The following SAFB variants were observed in gnomAD, a reference collection of about 807,000 sequenced individuals.
SAFB encodes the protein scaffold attachment factor B.
SAFB carries 15 observed loss-of-function variants against 101.6 expected under a neutral mutation model. That is an observed-to-expected ratio of 0.15 (90% CI 0.10 to 0.23). The LOEUF (loss-of-function observed/expected upper bound fraction) is 0.23. Ranked by LOEUF, SAFB falls within the 10% of genes least tolerant of loss-of-function variation. The pLI is 1.00. For missense variants in SAFB, 930 were observed against 1,104.1 expected, an observed-to-expected ratio of 0.84 and a Z score of 2.23; for synonymous variants, 449 against 407.5, an observed-to-expected ratio of 1.10 and a Z score of -1.23.
Position 5,664,085 on chromosome 19 carries a change from C to T in SAFB, c.2217C>T (p.Asp739=), listed in dbSNP as rs1385313836. 1 of 1,614,070 alleles carries T rather than the reference C, an allele frequency of 6.2e-7. No homozygotes were observed. Residue 739 remains aspartate (D), a synonymous_variant, in exon 16 of 21, where the codon GAC becomes GAT. Coordinates refer to ENST00000588852, the MANE Select transcript of SAFB (RefSeq NM_001201338.2). ...CCCTGGATGAGCGCTACCATTCTGA[C>T]TTTAACCGCCAGGACCGCTTCCACG... is the stretch of plus-strand genomic sequence containing the variant. ...RAALDERYHS[D]FNRQDRFHDF...
intron 2 of SAFB, among the ~76,000 whole-genome samples, chr19:5,636,108 A>G (rs1342752377): frequency 6.6e-6 from 1 of 151,954 alleles, no homozygotes; most frequent in Non-Finnish European, 1.5e-5. Flanking sequence ...TTCCCCTGAG[A>G]AGGATTTGGC....
chr19:5,637,104 GGAGGCC>G (rs199546283), intron 2 of SAFB, among the ~76,000 whole-genome samples: 3,700 of 151,088 alleles, frequency 0.024, 97 homozygotes, highest in Non-Finnish European at 0.037. Flanking sequence ...TAGCACTTCG[GGAGGCC>G]GAGGCGGGTG....
intron 2 of SAFB, among the ~76,000 whole-genome samples, chr19:5,640,664 A>G (rs1161900039): frequency 6.6e-6 from 1 of 152,236 alleles, no homozygotes; most frequent in East Asian, 1.9e-4. Context: ...ATCTCAGCTC[A>G]CTGCAACCTA....
chr19:5,624,015 T>C (rs1599301946), intron 1 of SAFB: 1 of 152,128 alleles, frequency 6.6e-6, no homozygotes, highest in Non-Finnish European at 1.5e-5. Flanking sequence ...GAAGGAAAAG[T>C]GGTGTTGACG....
intron 1 of SAFB, 145 bp from the exon 2 acceptor site, chr19:5,626,260 A>T: frequency 1.8e-6 from 1 of 565,010 alleles, no homozygotes; most frequent in South Asian, 2.3e-5. Flanking sequence ...ATAACAGATG[A>T]GTGGATGGGC....
In SAFB at chr19:5,667,547, C is replaced by A; in HGVS notation, c.2557+97C>A. Reference sequence around the variant, plus strand: ...TCCTTGGGGGAGCACAGGAGGTGCTCTGCTCTCAGTGCTGGAATGAGGAAT... The same window carrying A: ...TCCTTGGGGGAGCACAGGAGGTGCTATGCTCTCAGTGCTGGAATGAGGAAT... On this transcript the variant is annotated intron_variant, in intron 19 of 20. Coordinates refer to ENST00000588852, the MANE Select transcript of SAFB (RefSeq NM_001201338.2). This position sits in a 1 kb window ranked among gnomAD's most constrained non-coding sequence, Gnocchi z 4.0. 2 of 871,458 alleles carry A rather than the reference C, an allele frequency of 2.3e-6. No homozygotes were observed. The highest frequency in any genetic ancestry group is 3.6e-6 in the Non-Finnish European group (2 of 557,564). The allele number at this position is 871,458 out of a possible 1,614,324, so 54.0% of individuals were successfully genotyped here.
chr19:5,660,433 G>A (rs1005677279), intron 14 of SAFB, among the ~76,000 whole-genome samples: 1 of 132,810 alleles, frequency 7.5e-6, no homozygotes, highest in African/African-American at 2.8e-5. Flanking sequence ...GTTCACTGCA[G>A]CCTCTACCTC....
chr19:5,667,395 A>T lies in SAFB; in HGVS notation c.2502A>T (p.Ser834=). The change falls in exon 19 of 21, where the codon TCA becomes TCT. Residue 834 remains serine, a synonymous_variant. Coordinates refer to ENST00000588852, the MANE Select transcript of SAFB (RefSeq NM_001201338.2). This position sits in a 1 kb window ranked among gnomAD's most constrained non-coding sequence, Gnocchi z 4.0. ...ATGGCCGAAGAGAGGATGACCGGTC[A>T]TGGCAGGGCACGGCCGACGGGGGCA... ...GDHGRREDDR[S]WQGTADGGMM... 2 of 1,514,308 alleles carry T rather than the reference A, an allele frequency of 1.3e-6. No individual in the cohort carries two copies. Among genetic ancestry groups the T allele is most frequent in the Non-Finnish European group, 1.8e-6 (2 of 1,137,254 alleles). 93.8% of individuals were successfully genotyped at this position (1,514,308 alleles called of 1,614,324 possible). A position where few individuals can be genotyped will look rare whatever the true frequency, so the allele number is the denominator to read the frequency against.
rs759757386 is a variant in SAFB, at chr19:5,667,200, C to G, written c.2453+36C>G. The G allele has an allele frequency of 6.8e-6, 9 of 1,320,682 alleles. No homozygotes were observed. The East Asian group carries it at 2.2e-4, about 32-fold the overall frequency. The allele number at this position is 1,320,682 out of a possible 1,614,324, so 81.8% of individuals were successfully genotyped here. A position where few individuals can be genotyped will look rare whatever the true frequency, so the allele number is the denominator to read the frequency against. ...CACACCCGACAGTACCTGACCCCCCCCCCGCCCACAAGGGGGCCCGCAAGT... is the reference window on the plus strand; with the variant it reads ...CACACCCGACAGTACCTGACCCCCCGCCCGCCCACAAGGGGGCCCGCAAGT... On this transcript the variant is annotated intron_variant, in intron 18 of 20. Coordinates refer to ENST00000588852, the MANE Select transcript of SAFB (RefSeq NM_001201338.2). This position sits in a 1 kb window ranked among gnomAD's most constrained non-coding sequence, Gnocchi z 4.0.
chr19:5,628,414 A>G (rs984117297), intron 2 of SAFB, among the ~76,000 whole-genome samples: 3 of 152,196 alleles, frequency 2.0e-5, no homozygotes, highest in Non-Finnish European at 4.4e-5. Context: ...TTGGGGCCCA[A>G]ATCTAAACAA....
chr19:5,661,216 C>T (rs776031392), intron 14 of SAFB, among the ~76,000 whole-genome samples: 5 of 152,242 alleles, frequency 3.3e-5, no homozygotes, highest in South Asian at 2.1e-4. Flanking sequence ...CCACCGCGCC[C>T]GGCCTGTTGC....
At chr19:5,623,631 C>A (rs545820183) in intron 1 of SAFB, among the ~76,000 whole-genome samples, 2 of 152,170 alleles carry the variant, frequency 1.3e-5, no homozygotes, top group African/African-American at 4.8e-5. Flanking sequence ...GGCACGCGTG[C>A]AGGAGAAACG....
At chr19:5,633,735 C>CTT (rs2053538854) in intron 2 of SAFB, among the ~76,000 whole-genome samples, 3 of 150,408 alleles carry the variant, frequency 2.0e-5, no homozygotes, top group Non-Finnish European at 4.5e-5. Flanking sequence ...GCCGAGATTG[C>CTT]GCCACTGCAC....
At chr19:5,642,933 C>T (rs1356024124) in intron 4 of SAFB, among the ~76,000 whole-genome samples, 1 of 152,052 alleles carries the variant, frequency 6.6e-6, no homozygotes, top group Non-Finnish European at 1.5e-5. Context: ...TCCCAAAGTG[C>T]TGAGATTACA....
chr19:5,639,904 C>T (rs1340350834), intron 2 of SAFB, among the ~76,000 whole-genome samples: 1 of 151,932 alleles, frequency 6.6e-6, no homozygotes, highest in Non-Finnish European at 1.5e-5. Context: ...ACGGCAGGAT[C>T]TCGGCTCACC....
At chr19:5,623,547 G>C (rs914030416) in intron 1 of SAFB, among the ~76,000 whole-genome samples, 153 bp downstream of exon 1, 11 of 152,214 alleles carry the variant, frequency 7.2e-5, no homozygotes, top group Non-Finnish European at 1.5e-4. Flanking sequence ...CGAGGCCCCG[G>C]AGAGAGTTCC....
At chr19:5,648,189 T>C (rs1015060681) in intron 6 of SAFB, 146 bp downstream of exon 6, 1 of 667,388 alleles carries the variant, frequency 1.5e-6, no homozygotes, top group African/African-American at 1.9e-5. Flanking sequence ...CCTACCAGGA[T>C]CATAGAGATT....
intron 14 of SAFB, among the ~76,000 whole-genome samples, chr19:5,661,006 C>T (rs1276949567): frequency 7.3e-6 from 1 of 137,720 alleles, no homozygotes; most frequent in Non-Finnish European, 1.5e-5. Context: ...CAACCTCTGC[C>T]TCACGGGCTC....
At chr19:5,642,035 G>T (rs2053727326) in intron 4 of SAFB, 89 bp downstream of exon 4, 4 of 1,087,192 alleles carry the variant, frequency 3.7e-6, no homozygotes, top group Non-Finnish European at 4.2e-6. Context: ...TGGGAAGTAA[G>T]TTGTTCTGTA....
Sources: gnomAD v4.1 joint callset for allele counts (sites outside exome capture counted in the v4.1 genomes callset) on GRCh38, gnomAD v4.1.1 for gene constraint, Gnocchi (gnomAD v3.1) non-coding constraint, MANE v1.5 for transcripts, NCBI Gene and HGNC (gene_info 2026-07-23, HGNC 2026-07-21) for gene names.